UPP2: variants seen among roughly 807,000 people sequenced by gnomAD.
The protein encoded by UPP2 is UPase 2.
A neutral mutation model predicts 26.7 loss-of-function variants in UPP2; 23 were observed. The observed-to-expected ratio is 0.86, with a 90% CI of 0.62 to 1.22. The LOEUF is 1.22. Ranked by LOEUF, UPP2 falls within the 50% of genes most tolerant of loss-of-function variation. UPP2 has a pLI of 0.00. For missense variants in UPP2, 387 were observed against 396.7 expected (o/e 0.98, Z 0.21); for synonymous variants, 127 against 141.3 (o/e 0.90, Z 0.72).
At chr2:158,103,820 C>T (rs1683125000) in intron 1 of UPP2, among the ~76,000 whole-genome samples, 1 of 152,188 alleles carries the variant, frequency 6.6e-6, no homozygotes, top group Non-Finnish European at 1.5e-5. Context: ...TGCTGGTTCA[C>T]TGACCACACA....
intron 6 of UPP2, among the ~76,000 whole-genome samples, chr2:158,131,173 A>G (rs188582121): frequency 1.9e-3 from 282 of 152,296 alleles, no homozygotes; most frequent in African/African-American, 4.1e-3. Flanking sequence ...GGGGGAGGGT[A>G]TGAACATAAC....
chr2:158,072,536 G>A (rs536978752), intron 3 of UPP2, among the ~76,000 whole-genome samples: 2 of 152,180 alleles, frequency 1.3e-5, no homozygotes, highest in East Asian at 1.9e-4. Context: ...ACCCAGTGGT[G>A]TGCTGGCTTC....
At chr2:158,065,715 C>A in intron 3 of UPP2, 1 of 655,406 alleles carries the variant, frequency 1.5e-6, no homozygotes, top group South Asian at 1.6e-5. Context: ...TGACACTACT[C>A]TTCTGGAGAA....
chr2:158,022,354 G>A (rs1683765043), intron 3 of UPP2, among the ~76,000 whole-genome samples: 1 of 151,442 alleles, frequency 6.6e-6, no homozygotes, highest in Admixed American at 6.6e-5. Context: ...AGCTACTCAG[G>A]AAGCTGAGGC....
chr2:158,105,454 T>C (rs1321168689), intron 1 of UPP2, among the ~76,000 whole-genome samples: 2 of 152,112 alleles, frequency 1.3e-5, no homozygotes, highest in Admixed American at 1.3e-4. Flanking sequence ...CCATAGACCA[T>C]CAACATCAGG....
chr2:158,109,519 T>C (rs1683267280), intron 2 of UPP2, among the ~76,000 whole-genome samples: 1 of 152,144 alleles, frequency 6.6e-6, no homozygotes, highest in Non-Finnish European at 1.5e-5. Flanking sequence ...TCCCAGTGTG[T>C]CAACACCTGT....
At chr2:158,008,969 G>A (rs557653026) in intron 2 of UPP2, among the ~76,000 whole-genome samples, 1 of 152,270 alleles carries the variant, frequency 6.6e-6, no homozygotes, top group East Asian at 1.9e-4. Context: ...GTATATAAAA[G>A]TGCTTTTTCT....
intron 3 of UPP2, among the ~76,000 whole-genome samples, chr2:158,045,045 C>T (rs1443006368): frequency 6.6e-6 from 1 of 152,122 alleles, no homozygotes; most frequent in African/African-American, 2.4e-5. Context: ...ACCTTTCCAC[C>T]TTTTTCCTGA....
In UPP2 at chr2:158,001,123, T is replaced by A. The variant is rs138141077; in HGVS notation, c.61+5864T>A. On this transcript the variant is annotated intron_variant, in intron 2 of 9. Transcript: ENST00000605860. ...AGTTTCCAGGTAACTGGGTTCCCGA[T>A]CATTTGCCATTGCCATTTCTCAAAT... Among the ~76,000 whole-genome samples, 104 of 152,328 alleles carry A rather than the reference T, an allele frequency of 6.8e-4. 1 individual carries two copies. The highest frequency in any genetic ancestry group is 1.1e-3 in the Admixed American group (17 of 15,302).
intron 1 of UPP2, among the ~76,000 whole-genome samples, chr2:158,105,578 C>A (rs1683175665): frequency 6.6e-6 from 1 of 152,190 alleles, no homozygotes; most frequent in Non-Finnish European, 1.5e-5. Context: ...ATGCATGCTA[C>A]ACTTTGAGAA....
chr2:158,128,097 C>T (rs1404129312), intron 6 of UPP2: 4 of 830,032 alleles, frequency 4.8e-6, no homozygotes, highest in Non-Finnish European at 5.8e-6. Flanking sequence ...CACAGGCTTG[C>T]CTGACAATAT....
intron 3 of UPP2, among the ~76,000 whole-genome samples, chr2:158,041,416 A>C (rs1444711487): frequency 6.6e-6 from 1 of 152,188 alleles, no homozygotes; most frequent in African/African-American, 2.4e-5. Flanking sequence ...TACAGTCATG[A>C]GAGGGTCATT....
rs570579737 is a variant in UPP2 at position 158,104,484 on chromosome 2, T to G, written c.63-1615T>G. On this transcript the variant is annotated intron_variant, in intron 1 of 6. Coordinates refer to ENST00000005756, the MANE Select transcript of UPP2 (RefSeq NM_173355.4). ...TAAAATACAGAGTGTCTAAATTAAT[T>G]AGTGCCTGGTCACCAGTGTTTTTTT... Among the ~76,000 whole-genome samples the G allele has an allele frequency of 1.4e-4, 22 of 152,356 alleles. No homozygotes were observed. The South Asian group carries it at 3.9e-3, about 27-fold the overall frequency.
chr2:158,098,683 G>A (rs551692730), upstream of UPP2, among the ~76,000 whole-genome samples: 2 of 151,880 alleles, frequency 1.3e-5, no homozygotes, highest in South Asian at 2.1e-4. Flanking sequence ...TGGGAGCAGT[G>A]GGCACAAGGA....
intron 3 of UPP2, among the ~76,000 whole-genome samples, chr2:158,021,825 C>T (rs1408510798): frequency 1.3e-5 from 2 of 152,066 alleles, no homozygotes; most frequent in African/African-American, 4.8e-5. Context: ...GAGGGAAGGT[C>T]CCTATTTTAG....
intron 3 of UPP2, among the ~76,000 whole-genome samples, chr2:158,083,867 T>TTATATATATATATATATA (rs200105900): frequency 4.1e-5 from 6 of 145,878 alleles, no homozygotes; most frequent in African/African-American, 1.5e-4. Flanking sequence ...TATATGTTTT[T>TTATATATATATATATATA]TATATATATA....
chr2:158,128,891 T>G (rs1454468771), intron 6 of UPP2, among the ~76,000 whole-genome samples: 3 of 152,160 alleles, frequency 2.0e-5, no homozygotes, highest in Non-Finnish European at 2.9e-5. Context: ...AGCAGATACT[T>G]ATTTTATAGT....
intron 3 of UPP2, among the ~76,000 whole-genome samples, chr2:158,032,626 C>T (rs1683940158): frequency 6.6e-6 from 1 of 151,974 alleles, no homozygotes; most frequent in Non-Finnish European, 1.5e-5. Context: ...GAGGAAGACT[C>T]AGGGCTGCAT....
At position 158,117,852 on chromosome 2, in the gene UPP2, T is replaced by C. The variant is rs1683474434; in HGVS notation, c.368T>C (p.Ile123Thr). 1.9e-6 allele frequency: 3 copies of C among 1,612,762 alleles called. No individual in the cohort carries two copies. The highest frequency in any genetic ancestry group is 2.7e-5 in the African/African-American group (2 of 74,886). The change falls in exon 4 of 7, where the codon ATT (isoleucine) becomes ACT (threonine). Residue 123 changes from isoleucine (I) to threonine (T), a missense_variant. By Grantham distance (89) the Ile-to-Thr change is moderately conservative. Transcript: ENST00000005756. ...GGCATGGGCATCCCCTCCATTTCTA[T>C]TATGCTTCATGAACTCATCAAATTA... ...SHGMGIPSIS[I>T]MLHELIKLLH...
Sources: allele counts gnomAD v4.1 joint callset (sites outside exome capture counted in the v4.1 genomes callset), GRCh38; gene constraint gnomAD v4.1.1; transcripts MANE v1.5; gene names NCBI Gene and HGNC (gene_info 2026-07-23, HGNC 2026-07-21).